The following RBFOX1 variants were observed in gnomAD, a reference collection of about 807,000 sequenced individuals.
RBFOX1 encodes RNA binding protein fox-1 homolog 1.
In RBFOX1, 8 loss-of-function variants were observed where a neutral mutation model predicts 57.7. That is an observed-to-expected ratio of 0.14 (90% CI 0.08 to 0.25). The LOEUF (loss-of-function observed/expected upper bound fraction) is 0.25. Among genes scored for constraint, RBFOX1 ranks in the 10% least tolerant of loss-of-function variants. The pLI is 1.00. For missense variants in RBFOX1, 611 were observed against 548.5 expected (o/e 1.11, Z -1.14); for synonymous variants, 326 against 222.4 (o/e 1.47, Z -4.15).
chr16:5,978,241 G>A (rs190413144), intron 4 of RBFOX1, among the ~76,000 whole-genome samples: 13 of 148,924 alleles, frequency 8.7e-5, no homozygotes, highest in African/African-American at 3.2e-4. Flanking sequence ...TTGCACCCTG[G>A]AATTGGAGGC....
chr16:7,238,538 A>AG (rs397827084), intron 4 of RBFOX1, among the ~76,000 whole-genome samples: 1 of 21,626 alleles, frequency 4.6e-5, no homozygotes, highest in African/African-American at 2.4e-3. Flanking sequence ...TGGGCTACAC[A>AG]CGCACCTTTA....
At chr16:5,729,213 G>C (rs979157234) in intron 3 of RBFOX1, among the ~76,000 whole-genome samples, 1 of 152,162 alleles carries the variant, frequency 6.6e-6, no homozygotes, top group African/African-American at 2.4e-5. Flanking sequence ...GCTTCAGTTT[G>C]TAGTCTGTCA....
intron 7 of RBFOX1, among the ~76,000 whole-genome samples, chr16:7,593,416 C>T (rs1034771917): frequency 5.3e-5 from 8 of 152,170 alleles, no homozygotes; most frequent in East Asian, 1.9e-4. Context: ...ATACAGTTGG[C>T]GAGTGTATTT....
At chr16:5,393,893 G>A (rs976268435) in intron 1 of RBFOX1, among the ~76,000 whole-genome samples, 3 of 152,030 alleles carry the variant, frequency 2.0e-5, no homozygotes, top group Admixed American at 1.3e-4. Flanking sequence ...TTCCCCCTAA[G>A]CCCTGTGATC....
chr16:6,836,444 G>A (rs114256234), intron 3 of RBFOX1, among the ~76,000 whole-genome samples: 2,259 of 152,258 alleles, frequency 0.015, 70 homozygotes, highest in African/African-American at 0.052. Context: ...TTATTTGTTT[G>A]GGGATTCTGC....
At chr16:7,168,705 T>C (rs1391689774) in intron 4 of RBFOX1, among the ~76,000 whole-genome samples, 2 of 152,144 alleles carry the variant, frequency 1.3e-5, no homozygotes, top group African/African-American at 2.4e-5. Flanking sequence ...CAAATTTTCT[T>C]CCTAGATTTA....
At chr16:6,000,955 G>A (rs1389060978) in intron 4 of RBFOX1, among the ~76,000 whole-genome samples, 5 of 151,632 alleles carry the variant, frequency 3.3e-5, no homozygotes, top group Non-Finnish European at 5.9e-5. Context: ...GTAGATGAAT[G>A]AGTGGGTAGA....
chr16:5,599,100 G>A, exon 3 of RBFOX1: 1 of 856,168 alleles, frequency 1.2e-6, no homozygotes, highest in Non-Finnish European at 1.9e-6. Flanking sequence ...AACTGGGTTT[G>A]AGGGGAATAA....
intron 4 of RBFOX1, among the ~76,000 whole-genome samples, chr16:7,391,044 G>A (rs1352211900): frequency 1.3e-5 from 2 of 152,136 alleles, no homozygotes; most frequent in South Asian, 2.1e-4. Context: ...GGTAAGCCTT[G>A]TTGTGCCTGT....
At chr16:7,084,824 A>G (rs186574173) in intron 4 of RBFOX1, among the ~76,000 whole-genome samples, 55 of 152,284 alleles carry the variant, frequency 3.6e-4, no homozygotes, top group African/African-American at 1.3e-3. Context: ...GTCTGTCTGT[A>G]TCTGGCAATC....
At chr16:7,139,671 G>C (rs916678315) in intron 4 of RBFOX1, among the ~76,000 whole-genome samples, 1 of 152,184 alleles carries the variant, frequency 6.6e-6, no homozygotes, top group Non-Finnish European at 1.5e-5. Flanking sequence ...AGAGGCAAGG[G>C]AGAGGAGAAT....
intron 2 of RBFOX1, among the ~76,000 whole-genome samples, chr16:6,621,960 A>C (rs531188528): frequency 6.6e-6 from 1 of 152,340 alleles, no homozygotes; most frequent in South Asian, 2.1e-4. Context: ...CGTTACACAA[A>C]GGTGCTACAT....
At chr16:6,515,977 G>C (rs992406182) in intron 2 of RBFOX1, among the ~76,000 whole-genome samples, 4 of 152,098 alleles carry the variant, frequency 2.6e-5, no homozygotes, top group African/African-American at 9.7e-5. Flanking sequence ...CCTGAACCCT[G>C]TATTTAGACT....
intron 4 of RBFOX1, among the ~76,000 whole-genome samples, chr16:5,936,117 G>A (rs575669950): frequency 6.6e-6 from 1 of 152,154 alleles, no homozygotes; most frequent in Middle Eastern, 3.4e-3. Context: ...TCCTAGGGAG[G>A]AATGGTGGTG....
intron 3 of RBFOX1, among the ~76,000 whole-genome samples, chr16:6,939,989 C>T (rs2078077449): frequency 6.6e-6 from 1 of 152,154 alleles, no homozygotes; most frequent in South Asian, 2.1e-4. Context: ...TAATTTATAT[C>T]ATCCATAGCA....
At chr16:5,701,374 G>T (rs145488297) in intron 3 of RBFOX1, among the ~76,000 whole-genome samples, 13 of 152,346 alleles carry the variant, frequency 8.5e-5, no homozygotes, top group African/African-American at 3.1e-4. Flanking sequence ...CTTCTTGGGA[G>T]AATATATTGT....
intron 1 of RBFOX1, among the ~76,000 whole-genome samples, chr16:5,428,326 A>T (rs2067626979): frequency 6.6e-6 from 1 of 152,210 alleles, no homozygotes; most frequent in African/African-American, 2.4e-5. Flanking sequence ...TTCCTATCAC[A>T]CAATGGTTAC....
At chr16:5,453,011 G>C (rs948143558) in intron 1 of RBFOX1, among the ~76,000 whole-genome samples, 5 of 152,152 alleles carry the variant, frequency 3.3e-5, no homozygotes, top group African/African-American at 9.7e-5. Context: ...GGGCATTTCA[G>C]TATATCCTCC....
intron 4 of RBFOX1, among the ~76,000 whole-genome samples, chr16:7,085,542 C>T (rs1248737831): frequency 6.6e-6 from 1 of 152,060 alleles, no homozygotes; most frequent in East Asian, 1.9e-4. Context: ...GAGATAGATA[C>T]AGAGCACGTG....
Sources: gnomAD v4.1 joint callset for allele counts (sites outside exome capture counted in the v4.1 genomes callset) on GRCh38, gnomAD v4.1.1 for gene constraint, MANE v1.5 for transcripts, NCBI Gene and HGNC (gene_info 2026-07-23, HGNC 2026-07-21) for gene names.